The following NPTN variants were observed in gnomAD, a reference collection of about 807,000 sequenced individuals.
NPTN encodes the protein neuroplastin.
Under a neutral mutation model 42.7 loss-of-function variants are expected in NPTN, and 5 were observed. The ratio of observed to expected loss-of-function variants is 0.12; its 90% CI spans 0.06 to 0.25. The LOEUF is 0.25. NPTN is among the 10% of genes least tolerant of loss of function. The probability of loss-of-function intolerance (pLI) is 1.00; values close to 1 mark genes in which losing one functional copy is unlikely to be tolerated. For missense variants in NPTN, 307 were observed against 525.4 expected (o/e 0.58, Z 4.06); for synonymous variants, 180 against 201.9 (o/e 0.89, Z 0.92).
At chr15:73,600,383 T>C (rs1897030799) in intron 1 of NPTN, among the ~76,000 whole-genome samples, 1 of 152,228 alleles carries the variant, frequency 6.6e-6, no homozygotes, top group Non-Finnish European at 1.5e-5. Flanking sequence ...ACAGTGACAT[T>C]TTCTAAGTAT....
chr15:73,576,278 G>T (rs1234061133), intron 4 of NPTN, among the ~76,000 whole-genome samples: 1 of 152,196 alleles, frequency 6.6e-6, no homozygotes, highest in East Asian at 1.9e-4. Context: ...GCATGGTCGT[G>T]AAGAAAATAA....
In NPTN at chr15:73,563,245, G is replaced by A. The variant is rs536841167; in HGVS notation, c.1127C>T (p.Ala376Val). The A allele has an allele frequency of 9.4e-6, 15 of 1,602,752 alleles. No individual in the cohort carries two copies. Among genetic ancestry groups the A allele is most frequent in the Non-Finnish European group, 9.4e-6 (11 of 1,169,980 alleles). Reference protein sequence around the residue: ...PDEVPDDDEPAGPMKTNSTNN... With the variant: ...PDEVPDDDEPVGPMKTNSTNN... ...CCAATAAAGTACTTACATTGGTCCA[G>A]CTGGTTCATCATCTACATGGTGTTC... is the stretch of plus-strand genomic sequence containing the variant. The change falls in exon 7 of 9, where the codon GCT (alanine) becomes GTT (valine). Residue 376 changes from alanine to valine, a missense_variant. This residue lies in a region of NPTN where 264 missense variants were observed against 491.1 expected (regional missense o/e 0.54). Transcript: ENST00000345330.
chr15:73,602,521 A>G (rs1393732633), intron 1 of NPTN, among the ~76,000 whole-genome samples: 1 of 152,172 alleles, frequency 6.6e-6, no homozygotes, highest in Non-Finnish European at 1.5e-5. Context: ...TGTCTAAAGG[A>G]CCCTTAACTG....
intron 1 of NPTN, among the ~76,000 whole-genome samples, chr15:73,622,500 A>T (rs1479227473): frequency 6.4e-4 from 85 of 133,052 alleles, no homozygotes; most frequent in Middle Eastern, 3.9e-3. Flanking sequence ...GAATTGTTTT[A>T]AAAAAAAAAA....
chr15:73,583,885 T>A (rs182278449), intron 4 of NPTN, among the ~76,000 whole-genome samples: 1 of 152,330 alleles, frequency 6.6e-6, no homozygotes, highest in Non-Finnish European at 1.5e-5. Flanking sequence ...TTCACAGTGA[T>A]CTTCATCCCC....
intron 6 of NPTN, chr15:73,567,913 G>A: frequency 1.0e-6 from 1 of 985,382 alleles, no homozygotes; most frequent in Non-Finnish European, 1.2e-6. Context: ...TCTCCCAAGA[G>A]ACTAGAGCAA....
At chr15:73,579,176 G>A (rs1286949423) in intron 4 of NPTN, among the ~76,000 whole-genome samples, 2 of 151,474 alleles carry the variant, frequency 1.3e-5, no homozygotes, top group Non-Finnish European at 2.9e-5. Flanking sequence ...CTACTCGGGA[G>A]GCTGAGGCAG....
chr15:73,633,054 C>G, intron 1 of NPTN, 71 bp downstream of exon 1: 1 of 1,140,152 alleles, frequency 8.8e-7, no homozygotes, highest in African/African-American at 1.6e-5. Flanking sequence ...TCTCCTCAGG[C>G]CAGAGCCGGG....
intron 1 of NPTN, among the ~76,000 whole-genome samples, chr15:73,619,132 G>A (rs1290722037): frequency 6.6e-6 from 1 of 151,792 alleles, no homozygotes; most frequent in Non-Finnish European, 1.5e-5. Context: ...AGGCATAGAG[G>A]TCTTTAAAAG....
At chr15:73,602,008 T>C (rs1897104503) in intron 1 of NPTN, among the ~76,000 whole-genome samples, 1 of 152,040 alleles carries the variant, frequency 6.6e-6, no homozygotes, top group African/African-American at 2.4e-5. Context: ...CAGGAAAAAC[T>C]GGATGTGTGG....
intron 4 of NPTN, 63 bp from the exon 5 acceptor site, chr15:73,573,858 C>T (rs1251752304): frequency 4.4e-6 from 7 of 1,580,038 alleles, no homozygotes; most frequent in South Asian, 2.3e-5. Flanking sequence ...ACAAAGGCCC[C>T]ACCTTCTGGC....
intron 4 of NPTN, among the ~76,000 whole-genome samples, chr15:73,584,209 G>A (rs1896201925): frequency 6.6e-6 from 1 of 152,118 alleles, no homozygotes; most frequent in African/African-American, 2.4e-5. Flanking sequence ...TTGTTGCAAA[G>A]GATTGGATGA....
intron 4 of NPTN, among the ~76,000 whole-genome samples, chr15:73,584,757 T>C (rs1306935056): frequency 6.9e-6 from 1 of 144,768 alleles, no homozygotes; most frequent in Non-Finnish European, 1.5e-5. Context: ...TGCCACATTG[T>C]GTCCTTTAAA....
chr15:73,622,499 TAAAA>T (rs751330130), intron 1 of NPTN, among the ~76,000 whole-genome samples: 3 of 123,666 alleles, frequency 2.4e-5, no homozygotes, highest in Non-Finnish European at 1.8e-5. Flanking sequence ...AGAATTGTTT[TAAAA>T]AAAAAAAAAA....
rs1340708081 is a variant in NPTN at position 73,560,719 on chromosome 15, G to A, written c.*344C>T. 1 of 151,508 alleles carries A rather than the reference G, an allele frequency of 6.6e-6. No homozygotes were observed. Among genetic ancestry groups the A allele is most frequent in the African/African-American group, 2.4e-5 (1 of 41,142 alleles). 9.4% of individuals were successfully genotyped at this position (151,508 alleles called of 1,614,324 possible). On this transcript the variant is annotated 3_prime_UTR_variant, in exon 9 of 9. Coordinates refer to ENST00000345330, the MANE Select transcript of NPTN (RefSeq NM_012428.4). ...CTAGATGGCAGCAGTGCATTTTAGA[G>A]CTTTGCCAATTTAACAGCTGCATTA...
At chr15:73,575,588 C>T (rs986269232) in intron 4 of NPTN, among the ~76,000 whole-genome samples, 7 of 152,228 alleles carry the variant, frequency 4.6e-5, no homozygotes, top group African/African-American at 1.7e-4. Flanking sequence ...ACCTCGTGTC[C>T]TTGTCTACCT....
At chr15:73,593,733 A>G (rs1896703833) in intron 2 of NPTN, among the ~76,000 whole-genome samples, 1 of 152,272 alleles carries the variant, frequency 6.6e-6, no homozygotes, top group African/African-American at 2.4e-5. Context: ...TGCTCAATTA[A>G]CAAATTAGTT....
At chr15:73,628,583 G>A (rs1312493168) in intron 1 of NPTN, among the ~76,000 whole-genome samples, 3 of 151,840 alleles carry the variant, frequency 2.0e-5, no homozygotes, top group African/African-American at 4.8e-5. Context: ...TCTCCTTCCC[G>A]AATCGTTGTA....
At chr15:73,593,402 T>C (rs903798618) in intron 2 of NPTN, among the ~76,000 whole-genome samples, 6 of 151,432 alleles carry the variant, frequency 4.0e-5, no homozygotes, top group African/African-American at 1.2e-4. Flanking sequence ...AGGTATTTGC[T>C]GTTTGTTTGT....
Sources: gnomAD v4.1 joint callset for allele counts (sites outside exome capture counted in the v4.1 genomes callset) on GRCh38, gnomAD v4.1.1 for gene constraint, gnomAD v4.1.1 regional missense constraint, MANE v1.5 for transcripts, NCBI Gene and HGNC (gene_info 2026-07-23, HGNC 2026-07-21) for gene names.